LIMS1: variants seen among roughly 807,000 people sequenced by gnomAD.
LIMS1 encodes LIM zinc finger domain containing 1.
A neutral mutation model predicts 44.1 loss-of-function variants in LIMS1; 18 were observed. The observed-to-expected ratio is 0.41, with a 90% CI of 0.28 to 0.61. The LOEUF (loss-of-function observed/expected upper bound fraction) is 0.61, where lower values mean the gene tolerates loss of function less well. Ranked by LOEUF, LIMS1 falls within the 20% of genes least tolerant of loss-of-function variation. The pLI is 0.32. For synonymous variants in LIMS1, 93 were observed against 149.1 expected (o/e 0.62, Z 2.74); for missense variants, 201 against 422.0 (o/e 0.48, Z 4.59).
intron 1 of LIMS1, among the ~76,000 whole-genome samples, chr2:108,628,275 C>T (rs555099081): frequency 1.3e-5 from 2 of 152,196 alleles, no homozygotes; most frequent in Non-Finnish European, 2.9e-5. Context: ...TCCTAGTTTT[C>T]CTACTGGTTA....
At chr2:108,624,162 G>C (rs1176530582) in intron 1 of LIMS1, among the ~76,000 whole-genome samples, 1 of 152,214 alleles carries the variant, frequency 6.6e-6, no homozygotes, top group African/African-American at 2.4e-5. Context: ...GGAAGCCCCA[G>C]ACCTTCACAA....
intron 2 of LIMS1, chr2:108,662,209 C>T (rs1691425157): frequency 6.2e-7 from 1 of 1,611,890 alleles, no homozygotes; most frequent in African/African-American, 1.3e-5. Context: ...CTTCTTTCTC[C>T]CATTTTGCCT....
intron 1 of LIMS1, among the ~76,000 whole-genome samples, chr2:108,658,777 T>C (rs1239429464): frequency 1.5e-4 from 23 of 152,418 alleles, no homozygotes; most frequent in Non-Finnish European, 3.2e-4. Context: ...CTGGTGTCAC[T>C]TTCCTAACCT....
At chr2:108,624,603 A>G (rs554878596) in intron 1 of LIMS1, among the ~76,000 whole-genome samples, 5 of 152,032 alleles carry the variant, frequency 3.3e-5, no homozygotes, top group Admixed American at 3.3e-4. Flanking sequence ...CTAAAAATAC[A>G]AAGATTAGCT....
intron 2 of LIMS1, chr2:108,662,176 C>T (rs1691422487): frequency 6.2e-7 from 1 of 1,611,884 alleles, no homozygotes. Flanking sequence ...TGTGAGCACC[C>T]TGTAGCTCCA....
At chr2:108,668,420 A>G (rs543598170) in intron 2 of LIMS1, among the ~76,000 whole-genome samples, 2 of 152,208 alleles carry the variant, frequency 1.3e-5, no homozygotes, top group East Asian at 1.9e-4. Flanking sequence ...CTCTATTTCT[A>G]TGAAATCAAC....
intron 1 of LIMS1, chr2:108,654,949 A>G: frequency 6.6e-7 from 1 of 1,515,210 alleles, no homozygotes; most frequent in Non-Finnish European, 8.8e-7. Flanking sequence ...CTGGCGGGCC[A>G]GGCTGACGTG....
chr2:108,571,103 G>A (rs918732452), intron 1 of LIMS1, among the ~76,000 whole-genome samples: 2 of 152,094 alleles, frequency 1.3e-5, no homozygotes, highest in African/African-American at 4.8e-5. Flanking sequence ...TTTATTGGGA[G>A]GGATGTAAAT....
intron 1 of LIMS1, among the ~76,000 whole-genome samples, chr2:108,596,323 A>T (rs1179144883): frequency 1.3e-5 from 2 of 152,218 alleles, no homozygotes; most frequent in African/African-American, 4.8e-5. Context: ...TCCGTGGAAG[A>T]TGAGCTGTAG....
chr2:108,582,124 C>G (rs1040576117), intron 1 of LIMS1, among the ~76,000 whole-genome samples: 1 of 152,194 alleles, frequency 6.6e-6, no homozygotes, highest in Admixed American at 6.5e-5. Flanking sequence ...TGAGTTAAGT[C>G]AAACCCTGAC....
At chr2:108,597,943 C>T (rs1200477869) in intron 1 of LIMS1, among the ~76,000 whole-genome samples, 2 of 152,084 alleles carry the variant, frequency 1.3e-5, no homozygotes, top group Admixed American at 1.3e-4. Context: ...CCGCCCGCCT[C>T]AGCCTCCCAA....
intron 1 of LIMS1, among the ~76,000 whole-genome samples, chr2:108,580,791 C>T (rs1866187): frequency 0.41 from 62,762 of 151,968 alleles, 14,892 homozygotes; most frequent in East Asian, 0.94. Flanking sequence ...TGGTCCCTTG[C>T]ATGGAGGAGA....
chr2:108,603,825 A>T (rs1056534268), intron 1 of LIMS1, among the ~76,000 whole-genome samples: 5 of 152,228 alleles, frequency 3.3e-5, no homozygotes, highest in South Asian at 2.1e-4. Context: ...TTAACTTTTT[A>T]AAAAAACTTT....
intron 1 of LIMS1, among the ~76,000 whole-genome samples, chr2:108,617,790 T>C (rs772456543): frequency 8.5e-5 from 13 of 152,134 alleles, no homozygotes; most frequent in Admixed American, 2.0e-4. Flanking sequence ...GGCTAGAAAG[T>C]GAGAGGAAGC....
chr2:108,652,957 T>G (rs1690603942), intron 1 of LIMS1, among the ~76,000 whole-genome samples: 1 of 152,180 alleles, frequency 6.6e-6, no homozygotes, highest in African/African-American at 2.4e-5. Context: ...ATAGATAAAT[T>G]GAAAGGAAAA....
chr2:108,621,374 A>G, intron 1 of LIMS1: 1 of 1,550,156 alleles, frequency 6.5e-7, no homozygotes, highest in Non-Finnish European at 8.7e-7. Context: ...TTACAGCTTA[A>G]AGAGCTTTCA....
At chr2:108,554,529 C>T (rs1368593338) in intron 1 of LIMS1, among the ~76,000 whole-genome samples, 1 of 152,178 alleles carries the variant, frequency 6.6e-6, no homozygotes, top group East Asian at 1.9e-4. Context: ...AGATTTATAA[C>T]AGCTTGCCAT....
chr2:108,584,198 C>A (rs1686004610), intron 1 of LIMS1, among the ~76,000 whole-genome samples: 1 of 152,138 alleles, frequency 6.6e-6, no homozygotes. Flanking sequence ...AGTGAGCCAG[C>A]CTGTGTTTGC....
intron 1 of LIMS1, among the ~76,000 whole-genome samples, chr2:108,657,523 G>A (rs1690972088): frequency 2.6e-5 from 4 of 152,398 alleles, no homozygotes; most frequent in Admixed American, 2.6e-4. Context: ...TGTGGACTTT[G>A]GTCAGAAAGA....
Sources: gnomAD v4.1 joint callset for allele counts (sites outside exome capture counted in the v4.1 genomes callset) on GRCh38, gnomAD v4.1.1 for gene constraint, MANE v1.5 for transcripts, NCBI Gene and HGNC (gene_info 2026-07-23, HGNC 2026-07-21) for gene names.